ZNF831: variants seen among roughly 807,000 people sequenced by gnomAD.
The protein encoded by ZNF831 is zinc finger protein 831.
In ZNF831, 59 loss-of-function variants were observed where a neutral mutation model predicts 95.8. The ratio of observed to expected loss-of-function variants is 0.62; its 90% confidence interval spans 0.50 to 0.77. The LOEUF (loss-of-function observed/expected upper bound fraction) is 0.77. Ranked by LOEUF, ZNF831 falls within the 30% of genes least tolerant of loss-of-function variation. The pLI is 0.00. For synonymous variants in ZNF831, 961 were observed against 925.5 expected, an observed-to-expected ratio of 1.04 and a Z score of -0.70; for missense variants, 2,205 against 2,164.0, an observed-to-expected ratio of 1.02 and a Z score of -0.38.
chr20:59,207,726 CT>C (rs1243717374), intron 4 of ZNF831, among the ~76,000 whole-genome samples: 8 of 152,214 alleles, frequency 5.3e-5, no homozygotes, highest in Non-Finnish European at 7.3e-5. Context: ...CAGCCTTAGC[CT>C]TGCTTGATTG....
rs1301952067 is a variant in ZNF831 at position 59,253,131 on chromosome 20, C to T, written c.4181C>T (p.Thr1394Ile). Residue 1394 changes from threonine to isoleucine, a missense_variant, in exon 5 of 6, where the codon ACT becomes ATT. Transcript: ENST00000371030. The part of the protein sequence containing the change: ...SRIVREMDKR[T>I]VKDISPSAGE... Reference sequence around the variant, plus strand: ...ATTGTCAGGGAAATGGACAAACGAACTGTGAAGGTGGGCATGATGATTTTG... The same window carrying T: ...ATTGTCAGGGAAATGGACAAACGAATTGTGAAGGTGGGCATGATGATTTTG... 2 of 1,614,014 alleles carry T rather than the reference C, an allele frequency of 1.2e-6. No individual in the cohort carries two copies. Among genetic ancestry groups the T allele is most frequent in the Admixed American group, 3.3e-5 (2 of 60,012 alleles).
chr20:59,170,820 T>G (rs1981672588), intron 1 of ZNF831, among the ~76,000 whole-genome samples: 1 of 152,162 alleles, frequency 6.6e-6, no homozygotes, highest in Non-Finnish European at 1.5e-5. Context: ...GCAGAGGAGT[T>G]GGCTGGCTTA....
At chr20:59,159,534 G>A (rs890029632), upstream of ZNF831, 1 of 152,164 alleles carries the variant, frequency 6.6e-6, no homozygotes, top group Admixed American at 6.5e-5. Flanking sequence ...CCAGGGGGAG[G>A]TACTTTCCTA....
chr20:59,245,578 C>A (rs1987551955), intron 4 of ZNF831, among the ~76,000 whole-genome samples: 1 of 152,196 alleles, frequency 6.6e-6, no homozygotes, highest in Admixed American at 6.5e-5. Flanking sequence ...CACAACATGC[C>A]AGGAGCATCC....
intron 3 of ZNF831, among the ~76,000 whole-genome samples, chr20:59,199,134 TCAC>T (rs1185862574): frequency 7.3e-5 from 10 of 137,012 alleles, no homozygotes; most frequent in African/African-American, 2.7e-4. Context: ...TATCTATCTA[TCAC>T]GTAACCCTTG....
intron 3 of ZNF831, 137 bp downstream of exon 3, chr20:59,196,142 AT>A: frequency 8.0e-7 from 1 of 1,257,432 alleles, no homozygotes. Flanking sequence ...AAAGGACTGA[AT>A]TTGTTTCCCA....
At chr20:59,216,340 C>T (rs1280036538) in intron 4 of ZNF831, among the ~76,000 whole-genome samples, 1 of 152,268 alleles carries the variant, frequency 6.6e-6, no homozygotes, top group Non-Finnish European at 1.5e-5. Context: ...CTGGAAGAGC[C>T]TTCCCTTCTC....
At chr20:59,251,255 A>G (rs1408660322) in intron 4 of ZNF831, among the ~76,000 whole-genome samples, 1 of 152,228 alleles carries the variant, frequency 6.6e-6, no homozygotes, top group African/African-American at 2.4e-5. Flanking sequence ...GTGCCCAGCC[A>G]ATGAATGAAG....
intron 1 of ZNF831, among the ~76,000 whole-genome samples, chr20:59,132,483 T>C (rs1979378221): frequency 6.6e-6 from 1 of 152,222 alleles, no homozygotes; most frequent in Admixed American, 6.5e-5. Context: ...GCCTCTTCCC[T>C]GCAGCCTTGC....
intron 1 of ZNF831, among the ~76,000 whole-genome samples, 171 bp from the exon 2 acceptor site, chr20:59,190,813 G>A (rs1983435689): frequency 6.6e-6 from 1 of 152,240 alleles, no homozygotes; most frequent in South Asian, 2.1e-4. Context: ...CTGAGCCTCA[G>A]CTTTCCCTTT....
At chr20:59,252,872 TA>T (rs905412235) in intron 4 of ZNF831, 105 bp from the exon 5 acceptor site, 72 of 1,214,792 alleles carry the variant, frequency 5.9e-5, no homozygotes, top group Non-Finnish European at 7.0e-5. Context: ...AGATGAGGGT[TA>T]ATGAGCTCAG....
intron 1 of ZNF831, among the ~76,000 whole-genome samples, chr20:59,189,198 A>T (rs1225699044): frequency 6.6e-6 from 1 of 152,120 alleles, no homozygotes; most frequent in Non-Finnish European, 1.5e-5. Context: ...AAATAAAAAA[A>T]TAAAAAAATA....
intron 4 of ZNF831, among the ~76,000 whole-genome samples, chr20:59,246,796 A>G (rs1487462359): frequency 1.3e-5 from 2 of 152,234 alleles, no homozygotes; most frequent in Non-Finnish European, 2.9e-5. Context: ...AAAAGATTGC[A>G]TTAGGATAGT....
intron 3 of ZNF831, among the ~76,000 whole-genome samples, chr20:59,202,254 T>G (rs947625294): frequency 3.3e-5 from 5 of 151,934 alleles, no homozygotes; most frequent in African/African-American, 4.8e-5. Flanking sequence ...TTCCAAAAAG[T>G]TTTATTTAAT....
chr20:59,129,457 T>C (rs1979281329), intron 1 of ZNF831, among the ~76,000 whole-genome samples: 2 of 152,054 alleles, frequency 1.3e-5, no homozygotes. Context: ...TGAAACCCTC[T>C]ACTAAAAATA....
intron 1 of ZNF831, among the ~76,000 whole-genome samples, chr20:59,145,237 G>A (rs1361383219): frequency 2.0e-5 from 3 of 152,150 alleles, no homozygotes; most frequent in Non-Finnish European, 2.9e-5. Flanking sequence ...TTGCTCTCTG[G>A]CTAAAATAAT....
chr20:59,152,803 G>C (rs1465065736), intron 2 of ZNF831, among the ~76,000 whole-genome samples: 2 of 152,132 alleles, frequency 1.3e-5, no homozygotes, highest in African/African-American at 2.4e-5. Context: ...CCAGTATGTG[G>C]CTGTGCTGCA....
At chr20:59,253,734 T>C (rs959295017) in intron 5 of ZNF831, among the ~76,000 whole-genome samples, 164 bp from the exon 6 acceptor site, 1 of 152,206 alleles carries the variant, frequency 6.6e-6, no homozygotes, top group African/African-American at 2.4e-5. Flanking sequence ...CAATTAGTTA[T>C]TAATGGAAAC....
rs753979009 is a variant in ZNF831, at chr20:59,211,065, A to AAAAAAAAAAAAAAC, written c.4027+4009_4027+4010insAAAAAAAAAAAAAC. 2.4e-3 allele frequency among the ~76,000 whole-genome samples: 185 copies of AAAAAAAAAAAAAAC among 77,498 alleles called. 29 individuals are homozygous for AAAAAAAAAAAAAAC. Among genetic ancestry groups the AAAAAAAAAAAAAAC allele is most frequent in the African/African-American group, 0.014 (173 of 12,486 alleles). The allele number at this position is 77,498 out of a possible 152,430, so 50.8% of individuals were successfully genotyped here. A position where few individuals can be genotyped will look rare whatever the true frequency, so the allele number is the denominator to read the frequency against. ...AAAAAAAAAGAAAAAAAAAAAAAAA[A>AAAAAAAAAAAAAAC]CAAATCCAAGGAGAAAAAAAAATTC... On this transcript the variant is annotated intron_variant, in intron 4 of 5. Transcript: ENST00000371030.
Sources: allele counts gnomAD v4.1 joint callset (sites outside exome capture counted in the v4.1 genomes callset), GRCh38; gene constraint gnomAD v4.1.1; transcripts MANE v1.5; gene names NCBI Gene and HGNC (gene_info 2026-07-23, HGNC 2026-07-21).